The following SCAND1 variants were observed in gnomAD, a reference collection of about 807,000 sequenced individuals.
The protein encoded by SCAND1 is SCAN domain containing 1.
In SCAND1, 3 loss-of-function variants were observed where a neutral mutation model predicts 3.4. The observed-to-expected ratio is 0.87, with a 90% CI of 0.40 to 2.25. The LOEUF (loss-of-function observed/expected upper bound fraction) is 2.25, where lower values mean the gene tolerates loss of function less well. Among genes scored for constraint, SCAND1 ranks in the 30% most tolerant of loss-of-function variants. The pLI, the probability that SCAND1 is intolerant of heterozygous loss-of-function variation, is 0.05. For synonymous variants in SCAND1, 152 were observed against 120.5 expected, an observed-to-expected ratio of 1.26 and a Z score of -1.72; for missense variants, 303 against 258.8, an observed-to-expected ratio of 1.17 and a Z score of -1.17.
In SCAND1 at chr20:35,954,443, C is replaced by A; in HGVS notation, c.-56+5G>T. ...CGGGACCGGCCGAGAGTGTGCGGAG[C>A]TTACCTGCACCAGCGAAGCGCCTGC... On this transcript the variant is annotated splice_donor_5th_base_variant and intron_variant, in intron 1 of 1. Transcript: ENST00000305978. 1 of 1,549,442 alleles carries A rather than the reference C, an allele frequency of 6.5e-7. No homozygotes were observed. The highest frequency in any genetic ancestry group is 8.7e-7 in the Non-Finnish European group (1 of 1,146,812).
At chr20:35,954,698 G>A (rs2056232803), upstream of SCAND1, 1 of 1,100,018 alleles carries the variant, frequency 9.1e-7, no homozygotes, top group African/African-American at 1.6e-5. Flanking sequence ...GAGCCTGAAT[G>A]TTTGGAGATA....
upstream of SCAND1, chr20:35,959,289 G>T (rs2056287435): frequency 6.6e-6 from 1 of 150,900 alleles, no homozygotes; most frequent in South Asian, 2.1e-4. Context: ...GTTCTAGTAT[G>T]TAGTATTTTT....
At position 35,954,275 on chromosome 20, in the gene SCAND1, T is replaced by G. The variant is rs753359558; in HGVS notation, c.10A>C (p.Thr4Pro). Residue 4 changes from threonine to proline, a missense_variant, in exon 2 of 2, where the codon ACG (threonine) becomes CCG (proline). Transcript: ENST00000305978. The stretch of plus-strand genomic sequence containing the variant: ...CCAGTGGCCGCCAAGATCGGCTCCG[T>G]AGCCGCCATAACTCCAGCTCCGGGC... The part of the protein sequence containing the change: MAA[T>P]EPILAATGSP... 2 of 1,612,442 alleles carry G rather than the reference T, an allele frequency of 1.2e-6. No homozygotes were observed. Among genetic ancestry groups the G allele is most frequent in the South Asian group, 2.2e-5 (2 of 91,076 alleles).
Position 35,954,316 on chromosome 20 carries a change from G to A in SCAND1, c.-32C>T, listed in dbSNP as rs2056221078. 4 of 1,612,974 alleles carry A rather than the reference G, an allele frequency of 2.5e-6. No individual in the cohort carries two copies. The highest frequency in any genetic ancestry group is 1.7e-5 in the Admixed American group (1 of 59,946). On this transcript the variant is annotated 5_prime_UTR_variant, in exon 2 of 2. Transcript: ENST00000305978. ...AGCTCCGGGCGTCACTCTTTGTCCGGTAGCTGTGTGCTCAGCACTGCGTCT... is the reference window on the plus strand; with the variant it reads ...AGCTCCGGGCGTCACTCTTTGTCCGATAGCTGTGTGCTCAGCACTGCGTCT...
chr20:35,954,144 G>A lies in SCAND1; in HGVS notation c.141C>T (p.Ala47=), dbSNP rs776706222. 4 of 1,579,688 alleles carry A rather than the reference G, an allele frequency of 2.5e-6. No homozygotes were observed. Among genetic ancestry groups the A allele is most frequent in the Non-Finnish European group, 3.4e-6 (4 of 1,163,524 alleles). ...CGGCGTTGGGACTGGAAGGCTCAGG[G>A]GCAGGCGGTGAGGCCTCTGGCAGCG... is the stretch of plus-strand genomic sequence containing the variant. ...GSSLPEASPP[A]PEPSSPNAAV... Residue 47 remains alanine (A), a synonymous_variant, in exon 2 of 2, where the codon GCC becomes GCT. Coordinates refer to ENST00000305978, the MANE Select transcript of SCAND1 (RefSeq NM_033630.3).
chr20:35,953,625 G>A lies in SCAND1; in HGVS notation c.*120C>T. The A allele has an allele frequency of 1.8e-6, 1 of 567,120 alleles. No individual in the cohort carries two copies. Among genetic ancestry groups the A allele is most frequent in the Non-Finnish European group, 2.9e-6 (1 of 348,476 alleles). 35.1% of individuals were successfully genotyped at this position (567,120 alleles called of 1,614,324 possible). On this transcript the variant is annotated 3_prime_UTR_variant, in exon 2 of 2. Coordinates refer to ENST00000305978, the MANE Select transcript of SCAND1 (RefSeq NM_033630.3). ...ATGAAAGAGACACACCAGACCACAGGCGCTGCCAAAACTCATTTTTCATTA... is the reference window on the plus strand; with the variant it reads ...ATGAAAGAGACACACCAGACCACAGACGCTGCCAAAACTCATTTTTCATTA...
Position 35,954,133 on chromosome 20 carries a change from G to T in SCAND1, c.152C>A (p.Ser51Tyr). The T allele has an allele frequency of 6.4e-7, 1 of 1,565,878 alleles. No individual in the cohort carries two copies. Residue 51 changes from serine to tyrosine, a missense_variant, in exon 2 of 2, where the codon TCC becomes TAC. Ser to Tyr is a moderately radical substitution (Grantham distance 144). Transcript: ENST00000305978. ...TTCAGGGACCGCGGCGTTGGGACTG[G>T]AAGGCTCAGGGGCAGGCGGTGAGGC... ...PEASPPAPEPSSPNAAVPEAI... is the reference protein window; with the variant it reads ...PEASPPAPEPYSPNAAVPEAI...
upstream of SCAND1, chr20:35,954,811 G>A (rs931342579): frequency 1.7e-5 from 6 of 345,644 alleles, no homozygotes; most frequent in Admixed American, 1.9e-4. Flanking sequence ...TAGCTCTGAT[G>A]GCCCCTCCTT....
Position 35,954,047 on chromosome 20 carries a change from G to C in SCAND1, c.238C>G (p.Pro80Ala). The C allele has an allele frequency of 2.6e-6, 4 of 1,541,350 alleles. No homozygotes were observed. Among genetic ancestry groups the C allele is most frequent in the African/African-American group, 1.4e-5 (1 of 72,978 alleles). Residue 80 changes from proline (P) to alanine (A), a missense_variant, in exon 2 of 2, where the codon CCC (proline) becomes GCC (alanine). Pro to Ala is a conservative substitution (Grantham distance 27). Transcript: ENST00000305978. ...TCGGCCTGAGGCGCTACGCTCACGG[G>C]TGCGGGCCCGAGAGGCAGCTCCAGG... ...AALELPLGPA[P>A]VSVAPQAEAE...
chr20:35,956,372 A>G (rs1382162231), upstream of SCAND1, among the ~76,000 whole-genome samples: 1 of 152,222 alleles, frequency 6.6e-6, no homozygotes, highest in Non-Finnish European at 1.5e-5. Flanking sequence ...AAAAAACGGA[A>G]GAGCTGGCCA....
upstream of SCAND1, among the ~76,000 whole-genome samples, chr20:35,956,138 G>A (rs1432416700): frequency 6.6e-6 from 1 of 152,220 alleles, no homozygotes; most frequent in Non-Finnish European, 1.5e-5. Flanking sequence ...GTGCAGGATG[G>A]AGGAGCAGGT....
At position 35,953,941 on chromosome 20, in the gene SCAND1, CG is replaced by C. The variant is rs1206841519; in HGVS notation, c.343del (p.Arg115AlafsTer84). 14 of 1,578,454 alleles carry C rather than the reference CG, an allele frequency of 8.9e-6. No individual in the cohort carries two copies. The highest frequency in any genetic ancestry group is 1.2e-5 in the Non-Finnish European group (14 of 1,163,422). On this transcript the variant is annotated frameshift_variant, in exon 2 of 2. Coordinates refer to ENST00000305978, the MANE Select transcript of SCAND1 (RefSeq NM_033630.3). LOFTEE classifies it high-confidence loss of function. ...ETFRQRFRQFRYQDAAGPREA... is the reference protein window; with the variant it reads ...ETFRQRFRQFXYQDAAGPREA... The stretch of plus-strand genomic sequence containing the variant: ...CCGGGGACCCGCCGCATCCTGGTAG[CG>C]GAACTGCCGGAAACGCTGGCGGAAC...
chr20:35,956,479 C>T (rs1260893246), upstream of SCAND1, among the ~76,000 whole-genome samples: 1 of 152,224 alleles, frequency 6.6e-6, no homozygotes, highest in Non-Finnish European at 1.5e-5. Context: ...GTCTCAATCT[C>T]AACCATTCCC....
Position 35,954,307 on chromosome 20 carries a change from C to G in SCAND1, c.-23G>C. On this transcript the variant is annotated 5_prime_UTR_variant, in exon 2 of 2. Coordinates refer to ENST00000305978, the MANE Select transcript of SCAND1 (RefSeq NM_033630.3). ...CATAACTCCAGCTCCGGGCGTCACT[C>G]TTTGTCCGGTAGCTGTGTGCTCAGC... The G allele has an allele frequency of 6.2e-7, 1 of 1,613,394 alleles. No homozygotes were observed. Among genetic ancestry groups the G allele is most frequent in the African/African-American group, 1.3e-5 (1 of 75,054 alleles).
intron 1 of SCAND1, 25 bp downstream of exon 1, chr20:35,954,423 C>G: frequency 6.4e-7 from 1 of 1,551,158 alleles, no homozygotes; most frequent in Non-Finnish European, 8.7e-7. Context: ...GGACTCGGGA[C>G]CGGCCGAGAG....
chr20:35,958,208 G>A (rs933399566), upstream of SCAND1, among the ~76,000 whole-genome samples: 1 of 152,142 alleles, frequency 6.6e-6, no homozygotes, highest in Non-Finnish European at 1.5e-5. Flanking sequence ...CGAGGCAGGC[G>A]GATCACGAGT....
At chr20:35,954,819 C>T (rs550228768), upstream of SCAND1, 2 of 340,110 alleles carry the variant, frequency 5.9e-6, no homozygotes, top group East Asian at 2.1e-4. Context: ...ATGGCCCCTC[C>T]TTCGGGAATG....
At chr20:35,958,129 G>A (rs370245833), upstream of SCAND1, among the ~76,000 whole-genome samples, 5 of 152,226 alleles carry the variant, frequency 3.3e-5, no homozygotes, top group East Asian at 3.9e-4. Context: ...TGGAGAATAC[G>A]TCTTTTAAAA....
chr20:35,954,726 C>T, upstream of SCAND1: 1 of 884,188 alleles, frequency 1.1e-6, no homozygotes. Context: ...AGTCCCGGAC[C>T]TTATCCGTGC....
Sources: gnomAD v4.1 joint callset for allele counts (sites outside exome capture counted in the v4.1 genomes callset) on GRCh38, gnomAD v4.1.1 for gene constraint, MANE v1.5 for transcripts, NCBI Gene and HGNC (gene_info 2026-07-23, HGNC 2026-07-21) for gene names.